The following GLIS1 variants were observed in gnomAD, a reference collection of about 807,000 sequenced individuals.
GLIS1 encodes zinc finger protein GLIS1.
A neutral mutation model predicts 63.8 loss-of-function variants in GLIS1; 24 were observed. The ratio of observed to expected loss-of-function variants is 0.38; its 90% confidence interval spans 0.27 to 0.53. The LOEUF (loss-of-function observed/expected upper bound fraction) is 0.53, where lower values mean the gene tolerates loss of function less well. GLIS1 is among the 20% of genes least tolerant of loss of function. The pLI, the probability that GLIS1 is intolerant of heterozygous loss-of-function variation, is 0.85. For synonymous variants in GLIS1, 450 were observed against 482.5 expected, an observed-to-expected ratio of 0.93 and a Z score of 0.88; for missense variants, 1,036 against 1,074.1, an observed-to-expected ratio of 0.96 and a Z score of 0.50.
chr1:53,578,892 T>C (rs555222136), intron 4 of GLIS1, among the ~76,000 whole-genome samples: 53 of 152,074 alleles, frequency 3.5e-4, no homozygotes, highest in African/African-American at 5.8e-4. Context: ...GAGGATGAAA[T>C]TGAAGCCCAG....
At chr1:53,507,680 G>C (rs17108658) in intron 10 of GLIS1, among the ~76,000 whole-genome samples, 11,724 of 152,264 alleles carry the variant, frequency 0.077, 1,552 homozygotes, top group African/African-American at 0.27. Context: ...GACCGGGGAG[G>C]TGTGCACAGA....
intron 2 of GLIS1, among the ~76,000 whole-genome samples, chr1:53,641,276 G>T (rs1645784478): frequency 6.6e-6 from 1 of 152,146 alleles, no homozygotes; most frequent in Non-Finnish European, 1.5e-5. Flanking sequence ...TTCCTCATCT[G>T]TAAAATAGGG....
intron 2 of GLIS1, among the ~76,000 whole-genome samples, chr1:53,659,714 AC>A (rs1646005668): frequency 6.6e-6 from 1 of 152,052 alleles, no homozygotes; most frequent in South Asian, 2.1e-4. Flanking sequence ...GCCTGGACCC[AC>A]CCCCACCAGC....
chr1:53,506,736 C>T lies in GLIS1; in HGVS notation c.2271G>A (p.Leu757=). The change falls in exon 11 of 11, where the codon CTG becomes CTA. Residue 757 remains leucine, a synonymous_variant. Transcript: ENST00000628545. ...ALAEASCPTA[L]PQQPSEDVVS... is the part of the protein sequence containing the mutation. The stretch of plus-strand genomic sequence containing the variant: ...CCACATCTTCAGATGGCTGCTGTGG[C>T]AGCGCTGTGGGGCATGAGGCCTCAG... The T allele has an allele frequency of 1.2e-6, 2 of 1,612,826 alleles. No homozygotes were observed. The highest frequency in any genetic ancestry group is 1.7e-6 in the Non-Finnish European group (2 of 1,179,974).
At chr1:53,631,137 G>A (rs990707286) in intron 2 of GLIS1, among the ~76,000 whole-genome samples, 1 of 152,172 alleles carries the variant, frequency 6.6e-6, no homozygotes, top group Non-Finnish European at 1.5e-5. Flanking sequence ...TTTTCAAGTA[G>A]TGTAATCTAA....
intron 4 of GLIS1, among the ~76,000 whole-genome samples, chr1:53,551,957 T>G (rs930108303): frequency 1.3e-5 from 2 of 151,712 alleles, no homozygotes; most frequent in African/African-American, 4.8e-5. Context: ...CCACCCACAC[T>G]CTTGCACCCA....
chr1:53,568,550 T>C (rs1023906722), intron 4 of GLIS1, among the ~76,000 whole-genome samples: 1 of 152,054 alleles, frequency 6.6e-6, no homozygotes, highest in African/African-American at 2.4e-5. Flanking sequence ...TGGAATGATA[T>C]GGTTTGGCTC....
Position 53,594,667 on chromosome 1 carries a change from G to A in GLIS1, c.761C>T (p.Ser254Leu). The A allele has an allele frequency of 6.4e-7, 1 of 1,555,634 alleles. No homozygotes were observed. The highest frequency in any genetic ancestry group is 1.2e-5 in the South Asian group (1 of 81,552). Residue 254 changes from serine (S) to leucine (L), a missense_variant, in exon 4 of 11, where the codon TCA becomes TTA. Around this residue, in one of 3 missense-constraint regions of GLIS1, gnomAD observed 592 missense variants for 593.9 expected, o/e 1.00. Coordinates refer to ENST00000628545, the MANE Select transcript of GLIS1 (RefSeq NM_001367484.1). ...GLPPTSPASS[S>L]PCASSDVTSI... ...GGTGACGTCGGAGGAGGCACAGGGT[G>A]AGGAGGAGGCTGGGGAGGTGGGGGG...
chr1:53,517,648 G>A (rs1644366225), intron 7 of GLIS1, among the ~76,000 whole-genome samples: 2 of 152,212 alleles, frequency 1.3e-5, no homozygotes, highest in South Asian at 4.1e-4. Context: ...GGGTTGGGTG[G>A]GGGGTCTCCT....
chr1:53,558,420 C>G (rs1644854189), intron 4 of GLIS1, among the ~76,000 whole-genome samples: 1 of 152,196 alleles, frequency 6.6e-6, no homozygotes, highest in Non-Finnish European at 1.5e-5. Context: ...AAACCTCTGC[C>G]CTGGGCAACC....
chr1:53,676,743 A>C (rs1481925067), intron 2 of GLIS1, among the ~76,000 whole-genome samples: 2 of 151,864 alleles, frequency 1.3e-5, no homozygotes, highest in Non-Finnish European at 2.9e-5. Context: ...GGCCAGAAGC[A>C]CCCTCCACCC....
chr1:53,683,092 A>G (rs1385779228), intron 2 of GLIS1, among the ~76,000 whole-genome samples: 1 of 152,244 alleles, frequency 6.6e-6, no homozygotes, highest in Non-Finnish European at 1.5e-5. Flanking sequence ...CTGAGGCAGA[A>G]GGTGGCACCG....
At chr1:53,650,929 C>G (rs1054178344) in intron 2 of GLIS1, among the ~76,000 whole-genome samples, 5 of 152,142 alleles carry the variant, frequency 3.3e-5, no homozygotes, top group Admixed American at 6.6e-5. Context: ...GAACACTGGC[C>G]CAGGGAGCCC....
chr1:53,682,339 G>A (rs572558521), intron 2 of GLIS1, among the ~76,000 whole-genome samples: 16 of 152,278 alleles, frequency 1.1e-4, no homozygotes, highest in Non-Finnish European at 2.1e-4. Context: ...GATGAAAGGT[G>A]CATCAGGCAC....
chr1:53,719,318 T>C (rs1220538792), intron 2 of GLIS1, among the ~76,000 whole-genome samples: 1 of 152,194 alleles, frequency 6.6e-6, no homozygotes, highest in African/African-American at 2.4e-5. Context: ...CTCTCTTGAG[T>C]TGAGGTAAGG....
At chr1:53,556,396 GTGTGTGTGCAGGTGTACTGTAGGTA>G (rs1644827186) in intron 4 of GLIS1, among the ~76,000 whole-genome samples, 1 of 149,000 alleles carries the variant, frequency 6.7e-6, no homozygotes, top group Non-Finnish European at 1.5e-5. Context: ...GCAGGTGTGT[GTGTGTGTGCAGGTGTACTGTAGGTA>G]TGTGTGTGCA....
At chr1:53,586,683 A>C (rs530792757) in intron 4 of GLIS1, among the ~76,000 whole-genome samples, 1 of 152,204 alleles carries the variant, frequency 6.6e-6, no homozygotes, top group Non-Finnish European at 1.5e-5. Flanking sequence ...AGGGGTGGCA[A>C]AGCTAGGTTT....
chr1:53,627,245 T>C (rs1645605199), intron 2 of GLIS1, among the ~76,000 whole-genome samples: 2 of 152,192 alleles, frequency 1.3e-5, no homozygotes, highest in African/African-American at 2.4e-5. Context: ...GAGCCACAGA[T>C]GGTCAGCTGG....
At chr1:53,635,065 T>G (rs1645709113) in intron 2 of GLIS1, among the ~76,000 whole-genome samples, 2 of 152,202 alleles carry the variant, frequency 1.3e-5, no homozygotes, top group South Asian at 2.1e-4. Context: ...GTTGTTGTTT[T>G]TTTTTTAATT....
Sources: gnomAD v4.1 joint callset for allele counts (sites outside exome capture counted in the v4.1 genomes callset) on GRCh38, gnomAD v4.1.1 for gene constraint, gnomAD v4.1.1 regional missense constraint, MANE v1.5 for transcripts, NCBI Gene and HGNC (gene_info 2026-07-23, HGNC 2026-07-21) for gene names.